Variants in RORA observed in about 807,000 individuals in gnomAD.
RORA encodes nuclear receptor ROR-alpha.
A neutral mutation model predicts 69.5 loss-of-function variants in RORA; 7 were observed. The ratio of observed to expected loss-of-function variants is 0.10; its 90% CI spans 0.06 to 0.19. The LOEUF is 0.19. Ranked by LOEUF, RORA falls within the 10% of genes least tolerant of loss-of-function variation. The probability of loss-of-function intolerance (pLI) is 1.00; values close to 1 mark genes in which losing one functional copy is unlikely to be tolerated. For missense variants in RORA, 457 were observed against 663.0 expected, an observed-to-expected ratio of 0.69 and a Z score of 3.41; for synonymous variants, 261 against 240.8, an observed-to-expected ratio of 1.08 and a Z score of -0.78.
At chr15:60,722,660 C>T (rs1346095645) in intron 1 of RORA, among the ~76,000 whole-genome samples, 3 of 152,166 alleles carry the variant, frequency 2.0e-5, no homozygotes, top group Admixed American at 6.5e-5. Context: ...TTTCTTGTTG[C>T]CCTGATCTGT....
intron 1 of RORA, among the ~76,000 whole-genome samples, chr15:60,967,289 T>C (rs577950289): frequency 4.6e-5 from 7 of 152,372 alleles, no homozygotes; most frequent in East Asian, 1.9e-4. Flanking sequence ...TTTACAAATA[T>C]ATGTTTTCAC....
Position 61,220,654 on chromosome 15 carries a change from C to G in RORA, c.166+8399G>C, listed in dbSNP as rs928957786. ...GTCAATAAACACGGCTGCCAATTCC[C>G]TTTACACCCTAGGAAAGCAGCTCAC... On this transcript the variant is annotated intron_variant, in intron 1 of 10. Transcript: ENST00000335670. Among the ~76,000 whole-genome samples, 8 of 152,248 alleles carry G rather than the reference C, an allele frequency of 5.3e-5. No homozygotes were observed. In the East Asian group the frequency reaches 1.5e-3, roughly 29 times the overall value.
rs146115517 is a variant in RORA, at chr15:60,854,681, T to A, written c.167-175995A>T. 1.5e-3 allele frequency among the ~76,000 whole-genome samples: 232 copies of A among 152,346 alleles called. 1 individual carries two copies. The highest frequency in any genetic ancestry group is 5.5e-3 in the African/African-American group (227 of 41,590). ...GAAATACATAAATAACAAATACTTA[T>A]GATGATTATCCCTAAAAGTCACTGG... On this transcript the variant is annotated intron_variant, in intron 1 of 10. Transcript: ENST00000335670.
In RORA at chr15:61,029,060, T is replaced by C. The variant is rs1045192737; in HGVS notation, c.166+199993A>G. The stretch of plus-strand genomic sequence containing the variant: ...ATAGTACTGATGGTCTGAAGTAAGA[T>C]AGTGGTGATGGTTGCACACCTCTGT... On this transcript the variant is annotated intron_variant, in intron 1 of 10. Coordinates refer to ENST00000335670, the MANE Select transcript of RORA (RefSeq NM_134261.3). 6.6e-5 allele frequency among the ~76,000 whole-genome samples: 10 copies of C among 152,000 alleles called. No homozygotes were observed. The East Asian group carries it at 1.2e-3, about 18-fold the overall frequency.
chr15:61,199,371 A>T (rs1035929796), intron 1 of RORA, among the ~76,000 whole-genome samples: 4 of 152,224 alleles, frequency 2.6e-5, no homozygotes, highest in Non-Finnish European at 5.9e-5. Context: ...ATGGACAAGA[A>T]GTTAGTCCAA....
chr15:61,006,202 C>G (rs1355898871), intron 1 of RORA, among the ~76,000 whole-genome samples: 1 of 151,932 alleles, frequency 6.6e-6, no homozygotes, highest in African/African-American at 2.4e-5. Flanking sequence ...CTCTTGACTT[C>G]GTGATCTGCC....
chr15:61,072,737 C>T (rs1049714724), intron 1 of RORA, among the ~76,000 whole-genome samples: 6 of 152,058 alleles, frequency 3.9e-5, no homozygotes, highest in African/African-American at 1.4e-4. Flanking sequence ...TTTTTGTGAA[C>T]TAATGGGGGT....
chr15:61,126,177 T>C (rs563797303), intron 1 of RORA, among the ~76,000 whole-genome samples: 2 of 152,246 alleles, frequency 1.3e-5, no homozygotes, highest in South Asian at 2.1e-4. Context: ...CACCCTAAAA[T>C]CATCAAAGGC....
At chr15:61,111,081 C>A (rs1336665677) in intron 1 of RORA, among the ~76,000 whole-genome samples, 7 of 152,114 alleles carry the variant, frequency 4.6e-5, no homozygotes, top group Admixed American at 3.3e-4. Context: ...TGAAAGTCTG[C>A]AGAAAAGTGA....
At chr15:60,560,571 T>C (rs1402754983) in intron 2 of RORA, among the ~76,000 whole-genome samples, 2 of 152,138 alleles carry the variant, frequency 1.3e-5, no homozygotes, top group African/African-American at 4.8e-5. Flanking sequence ...AGTCTGTGCC[T>C]GCCTGTAGTC....
intron 1 of RORA, among the ~76,000 whole-genome samples, chr15:61,006,164 TCA>T (rs1472776237): frequency 6.6e-6 from 1 of 152,076 alleles, no homozygotes; most frequent in Non-Finnish European, 1.5e-5. Context: ...AGACGGGATT[TCA>T]CAGTGTTGGC....
chr15:61,219,968 G>C (rs1244034750), intron 1 of RORA, among the ~76,000 whole-genome samples: 1 of 152,128 alleles, frequency 6.6e-6, no homozygotes, highest in Non-Finnish European at 1.5e-5. Flanking sequence ...AGAATGCTAG[G>C]GAACCTCACC....
At chr15:60,562,298 C>T (rs1001319467) in intron 2 of RORA, among the ~76,000 whole-genome samples, 1 of 152,142 alleles carries the variant, frequency 6.6e-6, no homozygotes, top group African/African-American at 2.4e-5. Flanking sequence ...TGCGATGGCA[C>T]GATCATAGCT....
intron 1 of RORA, among the ~76,000 whole-genome samples, chr15:61,062,648 T>G (rs925326118): frequency 1.3e-5 from 2 of 152,214 alleles, no homozygotes; most frequent in Non-Finnish European, 2.9e-5. Flanking sequence ...TGGGAGCATT[T>G]GCATATCATA....
intron 1 of RORA, among the ~76,000 whole-genome samples, chr15:60,794,742 T>C (rs341434): frequency 9.7e-4 from 148 of 152,320 alleles, no homozygotes; most frequent in African/African-American, 3.5e-3. Context: ...TCTATTCTGA[T>C]AGGGTGGAGT....
chr15:60,972,627 T>A (rs918118093), intron 1 of RORA, among the ~76,000 whole-genome samples: 1 of 152,156 alleles, frequency 6.6e-6, no homozygotes, highest in Admixed American at 6.5e-5. Context: ...AGAAAAAAAA[T>A]GCCTCGTGGT....
intron 1 of RORA, among the ~76,000 whole-genome samples, chr15:60,918,034 T>C (rs1159803919): frequency 6.6e-6 from 1 of 152,218 alleles, no homozygotes; most frequent in Non-Finnish European, 1.5e-5. Context: ...TGTGTCCCTG[T>C]ACGTAACCTC....
chr15:61,084,293 C>T (rs1275051067), intron 1 of RORA, among the ~76,000 whole-genome samples: 1 of 152,152 alleles, frequency 6.6e-6, no homozygotes, highest in Non-Finnish European at 1.5e-5. Flanking sequence ...GTCCATCTGC[C>T]TGGACATTCA....
At chr15:60,717,252 G>T (rs2071232520) in intron 1 of RORA, among the ~76,000 whole-genome samples, 1 of 152,226 alleles carries the variant, frequency 6.6e-6, no homozygotes, top group Non-Finnish European at 1.5e-5. Context: ...TGGTATGTAT[G>T]CAGAGGGAAA....
Sources: gnomAD v4.1 joint callset for allele counts (sites outside exome capture counted in the v4.1 genomes callset) on GRCh38, gnomAD v4.1.1 for gene constraint, MANE v1.5 for transcripts, NCBI Gene and HGNC (gene_info 2026-07-23, HGNC 2026-07-21) for gene names.